SRPX2: variants seen among roughly 807,000 people sequenced by gnomAD.
The protein encoded by SRPX2 is sushi repeat-containing protein SRPX2.
In SRPX2, 26 loss-of-function variants were observed where a neutral mutation model predicts 45.3. The ratio of observed to expected loss-of-function variants is 0.57; its 90% CI spans 0.42 to 0.80. The LOEUF (loss-of-function observed/expected upper bound fraction) is 0.80, where lower values mean the gene tolerates loss of function less well. SRPX2 is among the 30% of genes least tolerant of loss of function. SRPX2 has a pLI of 0.00. For synonymous variants in SRPX2, 125 were observed against 143.7 expected (o/e 0.87, Z 0.93); for missense variants, 355 against 399.8 (o/e 0.89, Z 0.95).
rs184079284 is a variant in SRPX2, at chrX:100,646,470, A to G, written c.82+66A>G. On this transcript the variant is annotated intron_variant, in intron 2 of 10. Coordinates refer to ENST00000373004, the MANE Select transcript of SRPX2 (RefSeq NM_014467.3). ...TAGGTCCTAGACCAAGACTTGGAGA[A>G]GGAAGAGTTAGACTACAAAAAGAGA... is the stretch of plus-strand genomic sequence containing the variant. 1.4e-4 allele frequency: 136 copies of G among 974,881 alleles called. No individual in the cohort carries two copies. The East Asian group carries it at 3.3e-3, about 23-fold the overall frequency. The allele number at this position is 974,881 out of a possible 1,213,427, so 80.3% of individuals were successfully genotyped here. A position where few individuals can be genotyped will look rare whatever the true frequency, so the allele number is the denominator to read the frequency against.
chrX:100,671,684 C>A lies in SRPX2; in HGVS notation c.*697C>A, dbSNP rs1269390216. The A allele has an allele frequency of 8.9e-6, 1 of 112,754 alleles. No homozygotes were observed. The highest frequency in any genetic ancestry group is 3.3e-5 in the African/African-American group (1 of 30,678). 9.3% of individuals were successfully genotyped at this position (112,754 alleles called of 1,213,427 possible). A position where few individuals can be genotyped will look rare whatever the true frequency, so the allele number is the denominator to read the frequency against. On this transcript the variant is annotated 3_prime_UTR_variant, in exon 11 of 11. Transcript: ENST00000373004. ...CTATCTCCTGACCTCGCGATCCACCCGCCTCGGCCTCCCAAAGTGCTGGGA... is the reference window on the plus strand; with the variant it reads ...CTATCTCCTGACCTCGCGATCCACCAGCCTCGGCCTCCCAAAGTGCTGGGA...
Position 100,670,780 on chromosome X carries a change from CAT to C in SRPX2, c.1218-25_1218-24del, listed in dbSNP as rs767794535. On this transcript the variant is annotated intron_variant, in intron 10 of 10. Transcript: ENST00000373004. ...GGGGATGGGTGCCCAGACAAGGTCT[CAT>C]ACCTCCCTGGGCTGTTCTCTCTAGG... 19 of 1,209,682 alleles carry C rather than the reference CAT, an allele frequency of 1.6e-5. No individual in the cohort carries two copies. In the South Asian group the frequency reaches 3.2e-4, roughly 20 times the overall value.
At chrX:100,669,171 C>T in intron 9 of SRPX2, 77 bp from the exon 10 acceptor site, 17 of 1,189,144 alleles carry the variant, frequency 1.4e-5, no homozygotes, top group Non-Finnish European at 1.9e-5. Flanking sequence ...TTCATATGGT[C>T]CCAGGAGGAA....
intron 3 of SRPX2, 196 bp downstream of exon 3, chrX:100,651,061 C>T (rs1420468331): frequency 2.3e-6 from 1 of 428,728 alleles, no homozygotes; most frequent in Admixed American, 4.1e-5. Flanking sequence ...TGAAGGTTCT[C>T]CATGTATTAT....
intron 2 of SRPX2, among the ~76,000 whole-genome samples, chrX:100,649,027 C>T (rs149112993): frequency 9.8e-5 from 11 of 112,522 alleles, no homozygotes; most frequent in African/African-American, 3.6e-4. Flanking sequence ...ACCTACCCTG[C>T]TGACATGTTA....
chrX:100,653,840 C>T (rs1314178340), intron 3 of SRPX2, among the ~76,000 whole-genome samples: 1 of 112,537 alleles, frequency 8.9e-6, no homozygotes, highest in African/African-American at 3.2e-5. Flanking sequence ...CTGTATTTAA[C>T]TGTATTTAGC....
chrX:100,658,592 G>C (rs1480393150), intron 3 of SRPX2, among the ~76,000 whole-genome samples: 2 of 111,696 alleles, frequency 1.8e-5, no homozygotes, highest in Non-Finnish European at 3.8e-5. Flanking sequence ...GGCTATTCTG[G>C]CTCTTTTTTA....
chrX:100,656,575 CT>C (rs1234979263), intron 3 of SRPX2, among the ~76,000 whole-genome samples: 1 of 111,856 alleles, frequency 8.9e-6, no homozygotes, highest in Non-Finnish European at 1.9e-5. Context: ...CAGTATTTGT[CT>C]TTTTGTGCCT....
chrX:100,666,890 T>C lies in SRPX2; in HGVS notation c.918T>C (p.Cys306=), dbSNP rs34728871. 194 of 1,209,398 alleles carry C rather than the reference T, an allele frequency of 1.6e-4. No homozygotes were observed. The African/African-American group carries it at 3.1e-3, about 19-fold the overall frequency. Residue 306 remains cysteine (C), a synonymous_variant, in exon 8 of 11, where the codon TGT becomes TGC. Transcript: ENST00000373004. ...GCCAGGGGACACCCTCCCGGGTCTG[T>C]CAGTCCAGCCGCCAGTGGTCAGGTT... The part of the protein sequence containing the change: ...YDRQGTPSRV[C]QSSRQWSGSP...
At chrX:100,657,864 G>A (rs1410727742) in intron 3 of SRPX2, among the ~76,000 whole-genome samples, 3 of 111,769 alleles carry the variant, frequency 2.7e-5, no homozygotes, top group Non-Finnish European at 5.7e-5. Context: ...TCCTGACCTC[G>A]TAATCCGCCC....
intron 1 of SRPX2, among the ~76,000 whole-genome samples, chrX:100,645,903 G>T (rs768241095): frequency 9.0e-6 from 1 of 111,622 alleles, no homozygotes; most frequent in South Asian, 3.8e-4. Flanking sequence ...AAACCTAATG[G>T]CAGCCTTTAG....
chrX:100,664,878 C>G lies in SRPX2; in HGVS notation c.460C>G (p.His154Asp), dbSNP rs73636611. ...TGACTACAGCTGTTCCAGTGGCTAC[C>G]ACCTGGAAGGTGATCGCAGCCGAAT... ...RCDYSCSSGY[H>D]LEGDRSRICM... The change falls in exon 5 of 11, where the codon CAC becomes GAC. Residue 154 changes from histidine to aspartate, a missense_variant. Coordinates refer to ENST00000373004, the MANE Select transcript of SRPX2 (RefSeq NM_014467.3). 5.2e-4 allele frequency: 627 copies of G among 1,209,271 alleles called. 5 individuals carry two copies. In the African/African-American group the frequency reaches 9.6e-3, roughly 18 times the overall value.
At chrX:100,660,241 C>T (rs1366664561) in intron 3 of SRPX2, among the ~76,000 whole-genome samples, 2 of 111,499 alleles carry the variant, frequency 1.8e-5, no homozygotes, top group African/African-American at 6.5e-5. Flanking sequence ...TAACTCCCAC[C>T]ACAGTATGAG....
intron 3 of SRPX2, among the ~76,000 whole-genome samples, chrX:100,660,227 C>T (rs2083182966): frequency 9.0e-6 from 1 of 111,418 alleles, no homozygotes; most frequent in Non-Finnish European, 1.9e-5. Context: ...TGCATAGGGT[C>T]ACATAACTCC....
At chrX:100,648,674 C>G (rs1352307321) in intron 2 of SRPX2, among the ~76,000 whole-genome samples, 1 of 112,449 alleles carries the variant, frequency 8.9e-6, no homozygotes, top group African/African-American at 3.2e-5. Context: ...CAGCTACTTC[C>G]GCACCCTGAT....
In SRPX2 at chrX:100,664,787, C is replaced by T. The variant is rs370296491; in HGVS notation, c.369C>T (p.His123=). Residue 123 remains histidine, a synonymous_variant, in exon 5 of 11, where the codon CAC becomes CAT. Transcript: ENST00000373004. ...GTTTTCTCTTAGAGATGAGATGCCACGCACTACCATTCATCACTAGTGGCA... is the reference window on the plus strand; with the variant it reads ...GTTTTCTCTTAGAGATGAGATGCCATGCACTACCATTCATCACTAGTGGCA... ...GTAYCRQMRC[H]ALPFITSGTY... 64 of 1,203,956 alleles carry T rather than the reference C, an allele frequency of 5.3e-5. No homozygotes were observed. The highest frequency in any genetic ancestry group is 6.8e-5 in the Non-Finnish European group (61 of 892,066).
rs1198307838 is a variant in SRPX2 at position 100,665,372 on chromosome X, G to A, written c.659+3G>A. On this transcript the variant is annotated splice_donor_region_variant and intron_variant, in intron 6 of 10. Transcript: ENST00000373004. ...TCTGCTGATGGTACCATCACCAGGT[G>A]AGCCTGAATAATGGATGCCCCTTAT... 14 of 1,209,504 alleles carry A rather than the reference G, an allele frequency of 1.2e-5. No homozygotes were observed. The highest frequency in any genetic ancestry group is 1.3e-5 in the Non-Finnish European group (12 of 894,247).
At chrX:100,665,431 G>A in intron 6 of SRPX2, 62 bp downstream of exon 6, 1 of 1,205,633 alleles carries the variant, frequency 8.3e-7, no homozygotes, top group Non-Finnish European at 1.1e-6. Flanking sequence ...CATTCAGGCT[G>A]GTCACATTGA....
chrX:100,667,197 A>G, intron 8 of SRPX2, 77 bp from the exon 9 acceptor site: 7 of 1,190,928 alleles, frequency 5.9e-6, no homozygotes, highest in African/African-American at 1.7e-5. Flanking sequence ...AGACTGGAAC[A>G]CCTCAAGATG....
Sources: allele counts gnomAD v4.1 joint callset (sites outside exome capture counted in the v4.1 genomes callset), GRCh38; gene constraint gnomAD v4.1.1; transcripts MANE v1.5; gene names NCBI Gene and HGNC (gene_info 2026-07-23, HGNC 2026-07-21).